PPP1R8: variants seen among roughly 807,000 people sequenced by gnomAD.
PPP1R8 encodes the protein nuclear inhibitor of protein phosphatase 1.
PPP1R8 carries 4 observed loss-of-function variants against 31.3 expected under a neutral mutation model. That is an observed-to-expected ratio of 0.13 (90% confidence interval 0.06 to 0.29). The LOEUF (loss-of-function observed/expected upper bound fraction) is 0.29. Among genes scored for constraint, PPP1R8 ranks in the 10% least tolerant of loss-of-function variants. The probability of loss-of-function intolerance (pLI) is 1.00; values close to 1 mark genes in which losing one functional copy is unlikely to be tolerated. For synonymous variants in PPP1R8, 170 were observed against 169.7 expected (o/e 1.00, Z -0.01); for missense variants, 254 against 440.1 (o/e 0.58, Z 3.78).
At chr1:27,834,480 A>G (rs1344558255) in intron 2 of PPP1R8, 1 of 519,154 alleles carries the variant, frequency 1.9e-6, no homozygotes, top group Non-Finnish European at 3.8e-6. Context: ...GCTGGGTTTA[A>G]GAAGTGCAAT....
Position 27,830,801 on chromosome 1 carries a change from C to T in PPP1R8, c.-35C>T, listed in dbSNP as rs2089091181. 9.6e-6 allele frequency: 15 copies of T among 1,562,786 alleles called. No individual in the cohort carries two copies. The highest frequency in any genetic ancestry group is 1.3e-5 in the Non-Finnish European group (15 of 1,154,472). ...CTCGGTCTTCCAGTTTCCCGGCGTG[C>T]TTAGGGCGCGCCAAATGGGAGGGGG... On this transcript the variant is annotated 5_prime_UTR_variant, in exon 1 of 7. Coordinates refer to ENST00000311772, the MANE Select transcript of PPP1R8 (RefSeq NM_014110.5).
chr1:27,840,362 C>T (rs959885729), intron 3 of PPP1R8, among the ~76,000 whole-genome samples: 6 of 152,176 alleles, frequency 3.9e-5, no homozygotes, highest in Admixed American at 2.0e-4. Context: ...AGCTTTGTCT[C>T]GCAAATACTT....
intron 6 of PPP1R8, among the ~76,000 whole-genome samples, chr1:27,849,041 A>G (rs1481876012): frequency 1.3e-5 from 2 of 152,108 alleles, no homozygotes; most frequent in Non-Finnish European, 2.9e-5. Context: ...TATTTTCTTC[A>G]CTGTAGATTG....
At chr1:27,833,114 C>A (rs2089127782) in intron 2 of PPP1R8, among the ~76,000 whole-genome samples, 1 of 152,182 alleles carries the variant, frequency 6.6e-6, no homozygotes, top group South Asian at 2.1e-4. Context: ...TCCCTGAGTA[C>A]ATGGAGTTGT....
At chr1:27,835,461 CTGT>C (rs1474605198) in intron 2 of PPP1R8, among the ~76,000 whole-genome samples, 2 of 152,190 alleles carry the variant, frequency 1.3e-5, no homozygotes, top group East Asian at 3.8e-4. Context: ...AGCTGTCAGG[CTGT>C]TGTTGAATCT....
chr1:27,850,463 GA>G lies in PPP1R8; in HGVS notation c.*19del. The G allele has an allele frequency of 3.9e-6, 2 of 506,918 alleles. No homozygotes were observed. The highest frequency in any genetic ancestry group is 4.0e-6 in the Non-Finnish European group (1 of 252,966). The allele number at this position is 506,918 out of a possible 1,614,324, so 31.4% of individuals were successfully genotyped here. A position where few individuals can be genotyped will look rare whatever the true frequency, so the allele number is the denominator to read the frequency against. ...CTGATTTGATATTTTTGGTCATGGA[GA>G]AGGGTGGGATTGGGTGGGAATGGGG... On this transcript the variant is annotated 3_prime_UTR_variant, in exon 7 of 7. Transcript: ENST00000311772.
In PPP1R8 at chr1:27,851,227, A is replaced by G. The variant is rs1441133633; in HGVS notation, c.*781A>G. 1 of 275,636 alleles carries G rather than the reference A, an allele frequency of 3.6e-6. No homozygotes were observed. Among genetic ancestry groups the G allele is most frequent in the East Asian group, 8.6e-5 (1 of 11,694 alleles). The allele number at this position is 275,636 out of a possible 1,614,324, so 17.1% of individuals were successfully genotyped here. A position where few individuals can be genotyped will look rare whatever the true frequency, so the allele number is the denominator to read the frequency against. On this transcript the variant is annotated 3_prime_UTR_variant, in exon 7 of 7. Coordinates refer to ENST00000311772, the MANE Select transcript of PPP1R8 (RefSeq NM_014110.5). ...GTATTATGAAGGCAGTTTTCAAAGGATATGACCAGTTGGGGTAATTCAAAT... is the reference window on the plus strand; with the variant it reads ...GTATTATGAAGGCAGTTTTCAAAGGGTATGACCAGTTGGGGTAATTCAAAT...
At chr1:27,832,616 A>G in intron 1 of PPP1R8, 140 bp from the exon 2 acceptor site, 1 of 621,138 alleles carries the variant, frequency 1.6e-6, no homozygotes, top group Non-Finnish European at 2.7e-6. Context: ...CTGTAATAAC[A>G]GTGAAGTGGA....
chr1:27,833,021 T>C (rs963941634), intron 2 of PPP1R8, among the ~76,000 whole-genome samples: 1 of 152,178 alleles, frequency 6.6e-6, no homozygotes, highest in Non-Finnish European at 1.5e-5. Context: ...TTGTGACTTC[T>C]CTCAAATGAA....
At chr1:27,836,009 T>C (rs1401260840) in intron 2 of PPP1R8, among the ~76,000 whole-genome samples, 2 of 152,200 alleles carry the variant, frequency 1.3e-5, no homozygotes, top group Non-Finnish European at 2.9e-5. Context: ...GTGTATCTTT[T>C]GGTTTTGTAA....
In PPP1R8 at chr1:27,850,706, T is replaced by TCCACTACCTCCTTTCTTTCTC; in HGVS notation, c.*266_*286dup. Reference sequence around the variant, plus strand: ...ACTGCCCTGGCTCTTTCCTAGGCCTTCCACTACCTCCTTTCTTTCTCCCAC... The same window carrying TCCACTACCTCCTTTCTTTCTC: ...ACTGCCCTGGCTCTTTCCTAGGCCTTCCACTACCTCCTTTCTTTCTCCCACTACCTCCTTTCTTTCTCCCAC... On this transcript the variant is annotated 3_prime_UTR_variant, in exon 7 of 7. Transcript: ENST00000311772. The TCCACTACCTCCTTTCTTTCTC allele has an allele frequency of 2.6e-6, 1 of 381,024 alleles. No homozygotes were observed. The highest frequency in any genetic ancestry group is 4.7e-6 in the Non-Finnish European group (1 of 211,552). 23.6% of individuals were successfully genotyped at this position (381,024 alleles called of 1,614,324 possible).
chr1:27,837,694 G>A (rs1213856654), intron 2 of PPP1R8, among the ~76,000 whole-genome samples: 2 of 151,146 alleles, frequency 1.3e-5, no homozygotes, highest in East Asian at 2.0e-4. Flanking sequence ...AGAATCTCTT[G>A]AACCCGGGAG....
At chr1:27,837,500 G>A (rs905628388) in intron 2 of PPP1R8, among the ~76,000 whole-genome samples, 1 of 151,814 alleles carries the variant, frequency 6.6e-6, no homozygotes, top group Non-Finnish European at 1.5e-5. Flanking sequence ...AGTTGGGCCG[G>A]GCGCAGCGGT....
intron 3 of PPP1R8, among the ~76,000 whole-genome samples, chr1:27,839,499 G>A (rs975528140): frequency 6.6e-6 from 1 of 152,138 alleles, no homozygotes; most frequent in South Asian, 2.1e-4. Context: ...CTGCACTCTA[G>A]CCTGGGCAAC....
chr1:27,831,154 G>T, intron 1 of PPP1R8: 1 of 1,250,614 alleles, frequency 8.0e-7, no homozygotes, highest in Non-Finnish European at 1.0e-6. Context: ...TTAGCCAGTC[G>T]CCGGAGCGCT....
At chr1:27,838,957 G>T in intron 3 of PPP1R8, 105 bp downstream of exon 3, 1 of 1,171,186 alleles carries the variant, frequency 8.5e-7, no homozygotes, top group Non-Finnish European at 1.2e-6. Context: ...GTTAATGTTT[G>T]GTTTTTAAAT....
chr1:27,848,630 A>G (rs1557432893), intron 6 of PPP1R8, among the ~76,000 whole-genome samples: 1 of 152,222 alleles, frequency 6.6e-6, no homozygotes, highest in Admixed American at 6.5e-5. Flanking sequence ...TCTAAAATAT[A>G]TTAGACTAAG....
rs138879980 is a variant in PPP1R8, at chr1:27,851,077, G to A, written c.*631G>A. On this transcript the variant is annotated 3_prime_UTR_variant, in exon 7 of 7. Transcript: ENST00000311772. The stretch of plus-strand genomic sequence containing the variant: ...CTGGTGCCATAGACACAGGTTTATA[G>A]TTTTAACTTACAGTATTGTTTGAAA... The A allele has an allele frequency of 3.2e-5, 5 of 157,186 alleles. No homozygotes were observed. The East Asian group carries it at 5.6e-4, about 18-fold the overall frequency. The allele number at this position is 157,186 out of a possible 1,614,324, so 9.7% of individuals were successfully genotyped here.
chr1:27,836,256 TAC>T, intron 2 of PPP1R8, among the ~76,000 whole-genome samples: 1 of 152,346 alleles, frequency 6.6e-6, no homozygotes, highest in Middle Eastern at 3.4e-3. Context: ...CCCACTGGAT[TAC>T]TAGACCACTA....
Sources: gnomAD v4.1 joint callset for allele counts (sites outside exome capture counted in the v4.1 genomes callset) on GRCh38, gnomAD v4.1.1 for gene constraint, MANE v1.5 for transcripts, NCBI Gene and HGNC (gene_info 2026-07-23, HGNC 2026-07-21) for gene names.